Variants in CLMP observed in about 807,000 individuals in gnomAD.
CLMP encodes the protein CXADR like cell adhesion molecule.
In CLMP, 27 loss-of-function variants were observed where a neutral mutation model predicts 45.2. The ratio of observed to expected loss-of-function variants is 0.60; its 90% CI spans 0.44 to 0.82. The LOEUF (loss-of-function observed/expected upper bound fraction) is 0.82. CLMP is among the 40% of genes least tolerant of loss of function. The pLI is 0.00. For synonymous variants in CLMP, 167 were observed against 171.4 expected (o/e 0.97, Z 0.20); for missense variants, 403 against 448.4 (o/e 0.90, Z 0.91).
chr11:123,073,883 G>A (rs542310175), intron 6 of CLMP, 109 bp from the exon 7 acceptor site: 14 of 1,137,940 alleles, frequency 1.2e-5, no homozygotes, highest in South Asian at 4.7e-5. Flanking sequence ...TAATACCATC[G>A]GAAGGCAACC....
At chr11:123,105,311 A>C (rs1453347756) in intron 1 of CLMP, among the ~76,000 whole-genome samples, 1 of 151,760 alleles carries the variant, frequency 6.6e-6, no homozygotes, top group Non-Finnish European at 1.5e-5. Context: ...GAGTAGTTTA[A>C]AGTTTTATCC....
At chr11:123,091,969 A>G (rs1242910496) in intron 2 of CLMP, among the ~76,000 whole-genome samples, 1 of 151,920 alleles carries the variant, frequency 6.6e-6, no homozygotes, top group Non-Finnish European at 1.5e-5. Flanking sequence ...TTGTCCCCAA[A>G]CCTGATGTTT....
chr11:123,152,237 G>A (rs1031788050), intron 1 of CLMP, among the ~76,000 whole-genome samples: 8 of 152,088 alleles, frequency 5.3e-5, no homozygotes, highest in South Asian at 4.2e-4. Flanking sequence ...AAAAGTGTTC[G>A]TGGTGGCCGG....
At chr11:123,156,150 C>T (rs939705666) in intron 1 of CLMP, among the ~76,000 whole-genome samples, 2 of 152,146 alleles carry the variant, frequency 1.3e-5, no homozygotes, top group African/African-American at 4.8e-5. Context: ...AGAGCTCACT[C>T]TCTCTCCCCT....
At chr11:123,176,390 T>G (rs1009840783) in intron 1 of CLMP, among the ~76,000 whole-genome samples, 1 of 152,226 alleles carries the variant, frequency 6.6e-6, no homozygotes, top group African/African-American at 2.4e-5. Context: ...TGTATAAAGA[T>G]TCCTCTTTGA....
intron 1 of CLMP, among the ~76,000 whole-genome samples, chr11:123,188,380 T>G (rs1359781957): frequency 6.6e-6 from 1 of 152,064 alleles, no homozygotes; most frequent in East Asian, 1.9e-4. Flanking sequence ...TTAGCTTGGC[T>G]TTTTCATCCC....
intron 1 of CLMP, among the ~76,000 whole-genome samples, chr11:123,120,593 T>C (rs1276860490): frequency 6.6e-6 from 1 of 152,232 alleles, no homozygotes; most frequent in Non-Finnish European, 1.5e-5. Context: ...GATTAAATGA[T>C]GATTATTAAA....
chr11:123,088,726 A>G (rs1326508312), intron 2 of CLMP, among the ~76,000 whole-genome samples: 3 of 152,150 alleles, frequency 2.0e-5, no homozygotes, highest in African/African-American at 7.2e-5. Flanking sequence ...CCTGGGTTCA[A>G]GCGATTCTCC....
intron 1 of CLMP, among the ~76,000 whole-genome samples, chr11:123,175,602 T>C (rs975207824): frequency 1.3e-5 from 2 of 152,190 alleles, no homozygotes; most frequent in Non-Finnish European, 2.9e-5. Flanking sequence ...GGACTACAGG[T>C]GTGAGTCACC....
At chr11:123,129,346 AATATATCATATGATATATTATATAAAAT>A (rs1565391286) in intron 1 of CLMP, among the ~76,000 whole-genome samples, 2,965 of 132,576 alleles carry the variant, frequency 0.022, 652 homozygotes, top group African/African-American at 0.028. Context: ...ATATATATAA[AATATATCATATGATATATTATATAAAAT>A]ATATATCATA....
chr11:123,167,716 C>G (rs1038186639), intron 1 of CLMP, among the ~76,000 whole-genome samples: 1 of 152,178 alleles, frequency 6.6e-6, no homozygotes, highest in African/African-American at 2.4e-5. Flanking sequence ...GCTCTGAATA[C>G]GTCACCTCCT....
At chr11:123,080,343 T>TTTTG (rs1865790555) in intron 5 of CLMP, among the ~76,000 whole-genome samples, 1 of 150,848 alleles carries the variant, frequency 6.6e-6, no homozygotes, top group Non-Finnish European at 1.5e-5. Flanking sequence ...TTTTTTTTTT[T>TTTTG]TGGAGATGGA....
intron 2 of CLMP, among the ~76,000 whole-genome samples, chr11:123,096,834 A>T (rs1865996004): frequency 6.6e-6 from 1 of 152,164 alleles, no homozygotes; most frequent in Non-Finnish European, 1.5e-5. Context: ...TTTTAGAAAC[A>T]GTGTCTGGGT....
At chr11:123,191,609 A>T (rs898924108) in intron 1 of CLMP, 6 of 152,260 alleles carry the variant, frequency 3.9e-5, no homozygotes, top group East Asian at 3.8e-4. Context: ...TGAATTTTTT[A>T]AAAATAGGAC....
At chr11:123,074,673 C>T (rs1184421953) in intron 6 of CLMP, 29 bp downstream of exon 6, 2 of 1,610,002 alleles carry the variant, frequency 1.2e-6, no homozygotes, top group Admixed American at 3.4e-5. Context: ...AACAGAAGCC[C>T]CGTAAAAGTA....
chr11:123,071,372 T>G lies in CLMP; in HGVS notation c.*2102A>C. On this transcript the variant is annotated 3_prime_UTR_variant, in exon 7 of 7. Transcript: ENST00000448775. ...ATCGCTTGAACTCGGGAGGTGGAGG[T>G]CGCAGTGAGCCGAGATACGCCACTG... The G allele has an allele frequency of 6.6e-6, 1 of 151,288 alleles. No individual in the cohort carries two copies. Among genetic ancestry groups the G allele is most frequent in the African/African-American group, 2.4e-5 (1 of 41,074 alleles). 9.4% of individuals were successfully genotyped at this position (151,288 alleles called of 1,614,324 possible).
chr11:123,121,644 TG>T (rs1254985234), intron 1 of CLMP, among the ~76,000 whole-genome samples: 2 of 152,132 alleles, frequency 1.3e-5, no homozygotes, highest in Admixed American at 1.3e-4. Context: ...AGGTGGGTAA[TG>T]GCTGCCAATG....
intron 1 of CLMP, among the ~76,000 whole-genome samples, chr11:123,105,189 T>C (rs541333691): frequency 2.6e-4 from 40 of 152,328 alleles, no homozygotes; most frequent in South Asian, 1.0e-3. Flanking sequence ...GGAAAGCAGC[T>C]AGCATTGTGA....
At chr11:123,176,254 A>C (rs986390990) in intron 1 of CLMP, among the ~76,000 whole-genome samples, 1 of 152,190 alleles carries the variant, frequency 6.6e-6, no homozygotes, top group African/African-American at 2.4e-5. Context: ...ATAGTCAATA[A>C]TATTCTAAAA....
Sources: gnomAD v4.1 joint callset for allele counts (sites outside exome capture counted in the v4.1 genomes callset) on GRCh38, gnomAD v4.1.1 for gene constraint, MANE v1.5 for transcripts, NCBI Gene and HGNC (gene_info 2026-07-23, HGNC 2026-07-21) for gene names.